CSNK2A2IP: variants seen among roughly 807,000 people sequenced by gnomAD.
CSNK2A2IP encodes the protein casein kinase 2 subunit alpha' interacting protein.
At chr3:88,415,978 G>GA in the CSNK2A2IP span, among the ~76,000 whole-genome samples, 3 of 151,834 alleles carry the variant, frequency 2.0e-5, no homozygotes, top group African/African-American at 7.3e-5. Context: ...AGGCTTAAAT[G>GA]AAAAAGGGTG....
chr3:88,349,234 C>T, the CSNK2A2IP span, among the ~76,000 whole-genome samples: 3 of 151,964 alleles, frequency 2.0e-5, no homozygotes, highest in East Asian at 3.9e-4. Context: ...CACCCCTCAC[C>T]CAAGAAGTGT....
chr3:88,444,723 C>T, the CSNK2A2IP span, among the ~76,000 whole-genome samples: 1 of 152,142 alleles, frequency 6.6e-6, no homozygotes, highest in Non-Finnish European at 1.5e-5. Context: ...AAGTGGAAAA[C>T]ATGAATCAAA....
the CSNK2A2IP span, among the ~76,000 whole-genome samples, chr3:88,384,077 C>T: frequency 1.3e-5 from 2 of 152,048 alleles, no homozygotes; most frequent in African/African-American, 2.4e-5. Context: ...AAATTTTGCA[C>T]AGAAACATTT....
At chr3:88,405,253 C>A in the CSNK2A2IP span, among the ~76,000 whole-genome samples, 7 of 152,146 alleles carry the variant, frequency 4.6e-5, no homozygotes, top group African/African-American at 7.2e-5. Flanking sequence ...TTGGTCTTAT[C>A]ATCTTTAATA....
chr3:88,408,616 G>A, the CSNK2A2IP span, among the ~76,000 whole-genome samples: 1 of 151,890 alleles, frequency 6.6e-6, no homozygotes, highest in Non-Finnish European at 1.5e-5. Context: ...TTAACATAAA[G>A]TACTCTATTA....
chr3:88,417,249 T>C, the CSNK2A2IP span, among the ~76,000 whole-genome samples: 2 of 152,224 alleles, frequency 1.3e-5, no homozygotes, highest in Non-Finnish European at 2.9e-5. Flanking sequence ...ATGTTTATTA[T>C]TTATTCATCC....
At chr3:88,452,904 G>A in the CSNK2A2IP span, among the ~76,000 whole-genome samples, 2 of 152,050 alleles carry the variant, frequency 1.3e-5, no homozygotes, top group Non-Finnish European at 2.9e-5. Context: ...TTTATGTGTA[G>A]GAATACATAT....
At chr3:88,402,379 C>T in the CSNK2A2IP span, among the ~76,000 whole-genome samples, 3 of 151,940 alleles carry the variant, frequency 2.0e-5, no homozygotes, top group Non-Finnish European at 4.4e-5. Context: ...CTTAAATTGA[C>T]CAGGATCCAG....
the CSNK2A2IP span, among the ~76,000 whole-genome samples, chr3:88,456,877 C>T: frequency 3.1e-4 from 47 of 152,110 alleles, no homozygotes; most frequent in South Asian, 6.2e-3. Context: ...TAAGACTTGA[C>T]GTCAGGTAAT....
chr3:88,347,728 C>G, the CSNK2A2IP span, among the ~76,000 whole-genome samples: 1 of 151,944 alleles, frequency 6.6e-6, no homozygotes, highest in Admixed American at 6.6e-5. Context: ...ACAAAACAGG[C>G]AGTGTCTCCA....
At chr3:88,397,492 T>G in the CSNK2A2IP span, among the ~76,000 whole-genome samples, 1 of 152,130 alleles carries the variant, frequency 6.6e-6, no homozygotes, top group Non-Finnish European at 1.5e-5. Flanking sequence ...TAATCCCTCA[T>G]GTAACACTAC....
the CSNK2A2IP span, among the ~76,000 whole-genome samples, chr3:88,460,133 TA>T: frequency 6.6e-6 from 1 of 152,184 alleles, no homozygotes; most frequent in Admixed American, 6.6e-5. Flanking sequence ...AACTCAATTA[TA>T]AAAATAATTT....
chr3:88,380,074 G>A, the CSNK2A2IP span, among the ~76,000 whole-genome samples: 26 of 152,058 alleles, frequency 1.7e-4, no homozygotes, highest in Non-Finnish European at 3.1e-4. Context: ...TTTGTGAAAA[G>A]GTTGACAAAA....
the CSNK2A2IP span, among the ~76,000 whole-genome samples, chr3:88,449,867 A>T: frequency 8.1e-6 from 1 of 123,682 alleles, no homozygotes; most frequent in Non-Finnish European, 1.8e-5. Flanking sequence ...ATATATATAT[A>T]TATATATAGA....
the CSNK2A2IP span, chr3:88,343,018 C>T: frequency 2.6e-5 from 4 of 152,008 alleles, no homozygotes; most frequent in African/African-American, 9.6e-5. Flanking sequence ...AGACATAATC[C>T]AGGACAGCAT....
chr3:88,358,281 A>C, the CSNK2A2IP span, among the ~76,000 whole-genome samples: 795 of 151,712 alleles, frequency 5.2e-3, 8 homozygotes, highest in African/African-American at 0.018. Flanking sequence ...ATCATCTGCA[A>C]AGATAATTTG....
At chr3:88,341,275 A>C in the CSNK2A2IP span, among the ~76,000 whole-genome samples, 66,420 of 151,610 alleles carry the variant, frequency 0.44, 15,798 homozygotes, top group South Asian at 0.62. Flanking sequence ...AATGTACAAT[A>C]AATATTGACA....
chr3:88,394,349 G>C, the CSNK2A2IP span, among the ~76,000 whole-genome samples: 1 of 152,152 alleles, frequency 6.6e-6, no homozygotes, highest in Non-Finnish European at 1.5e-5. Flanking sequence ...GGGTGTCTCA[G>C]TTTTAATTTG....
the CSNK2A2IP span, among the ~76,000 whole-genome samples, chr3:88,454,021 A>G: frequency 6.6e-6 from 1 of 152,162 alleles, no homozygotes; most frequent in Non-Finnish European, 1.5e-5. Context: ...GTGTTTTCCA[A>G]ACTTCTAGTA....
Sources: allele counts gnomAD v4.1 joint callset (sites outside exome capture counted in the v4.1 genomes callset), GRCh38; gene constraint gnomAD v4.1.1; transcripts MANE v1.5; gene names NCBI Gene and HGNC (gene_info 2026-07-23, HGNC 2026-07-21).